The following ACOX1 variants were observed in gnomAD, a reference collection of about 807,000 sequenced individuals.
ACOX1 encodes the protein acyl-CoA oxidase 1, also known as peroxisomal acyl-coenzyme A oxidase 1.
ACOX1 carries 41 observed loss-of-function variants against 75.5 expected under a neutral mutation model. The observed-to-expected ratio is 0.54, with a 90% CI of 0.42 to 0.70. The LOEUF (loss-of-function observed/expected upper bound fraction) is 0.70, where lower values mean the gene tolerates loss of function less well. ACOX1 is among the 30% of genes least tolerant of loss of function. The probability of loss-of-function intolerance (pLI) is 0.00; values close to 1 mark genes in which losing one functional copy is unlikely to be tolerated. For synonymous variants in ACOX1, 303 were observed against 298.8 expected (o/e 1.01, Z -0.15); for missense variants, 630 against 837.5 (o/e 0.75, Z 3.06).
Position 75,955,925 on chromosome 17 carries a change from T to G in ACOX1, c.561A>C (p.Ala187=). The G allele has an allele frequency of 6.2e-7, 1 of 1,614,152 alleles. No homozygotes were observed. The highest frequency in any genetic ancestry group is 8.5e-7 in the Non-Finnish European group (1 of 1,180,006). ...TAGTGATGAGCTGGGCAAGAACTAT[T>G]GCATGATTTGAAGTCTTTCCAACTG... ...PGGLGKTSNH[A]IVLAQLITKG... Residue 187 remains alanine, a synonymous_variant, in exon 5 of 14, where the codon GCA becomes GCC. Coordinates refer to ENST00000293217, the MANE Select transcript of ACOX1 (RefSeq NM_004035.7).
chr17:75,947,543 A>C (rs2065732963), intron 13 of ACOX1, among the ~76,000 whole-genome samples: 1 of 152,004 alleles, frequency 6.6e-6, no homozygotes, highest in Non-Finnish European at 1.5e-5. Context: ...GATGTCTTAG[A>C]TTTATTTCAA....
chr17:75,976,407 AAC>A (rs375063182), intron 2 of ACOX1, among the ~76,000 whole-genome samples: 3 of 151,426 alleles, frequency 2.0e-5, no homozygotes, highest in Admixed American at 6.6e-5. Context: ...CACCCATTCA[AAC>A]ACACACACAC....
At chr17:75,976,325 C>T (rs141387745) in intron 2 of ACOX1, among the ~76,000 whole-genome samples, 62 of 152,242 alleles carry the variant, frequency 4.1e-4, no homozygotes, top group African/African-American at 1.4e-3. Context: ...TGACCTCACT[C>T]GAGTCTGGTT....
At chr17:75,952,542 C>A (rs2065784429) in intron 7 of ACOX1, among the ~76,000 whole-genome samples, 1 of 152,098 alleles carries the variant, frequency 6.6e-6, no homozygotes, top group Non-Finnish European at 1.5e-5. Context: ...GATCCACCCG[C>A]TTTGGCCTCC....
chr17:75,948,291 A>G lies in ACOX1; in HGVS notation c.1895T>C (p.Leu632Ser). The G allele has an allele frequency of 6.2e-7, 1 of 1,614,104 alleles. No homozygotes were observed. ...TGGGGAGTTCTTAGCCCACTCAAAC[A>G]AGTTTTCATACACATTCCCATCATA... ...GRYDGNVYENLFEWAKNSPLN... is the reference protein window; with the variant it reads ...GRYDGNVYENSFEWAKNSPLN... The change falls in exon 13 of 14, where the codon TTG (leucine) becomes TCG (serine). Residue 632 changes from leucine to serine, a missense_variant. This residue lies in a region of ACOX1 where 240 missense variants were observed against 262.7 expected (regional missense o/e 0.91). Coordinates refer to ENST00000293217, the MANE Select transcript of ACOX1 (RefSeq NM_004035.7).
At chr17:75,974,870 C>T (rs2066030578) in intron 2 of ACOX1, among the ~76,000 whole-genome samples, 1 of 151,506 alleles carries the variant, frequency 6.6e-6, no homozygotes, top group Non-Finnish European at 1.5e-5. Flanking sequence ...CATGGTGAAA[C>T]CCCGTCTCTA....
Position 75,970,949 on chromosome 17 carries a change from G to A in ACOX1, c.269+7585C>T, listed in dbSNP as rs115487183. 2.3e-3 allele frequency among the ~76,000 whole-genome samples: 347 copies of A among 152,322 alleles called. 2 individuals are homozygous for A. Among genetic ancestry groups the A allele is most frequent in the African/African-American group, 8.2e-3 (342 of 41,568 alleles). ...GAAAAAAGACTAATCTTAGGACACT[G>A]TTCTCTAAACCACAGAGATTAAGAC... is the stretch of plus-strand genomic sequence containing the variant. On this transcript the variant is annotated intron_variant, in intron 2 of 13. Transcript: ENST00000293217.
Position 75,955,883 on chromosome 17 carries a change from T to C in ACOX1, c.603A>G (p.Gly201=). The part of the protein sequence containing the change: ...AQLITKGKCY[G]LHAFIVPIRE... ...GAATAGGTACGATAAAGGCATGTAA[T>C]CCATAGCATTTCCCCTTAGTGATGA... The change falls in exon 5 of 14, where the codon GGA becomes GGG. Residue 201 remains glycine (G), a synonymous_variant. Coordinates refer to ENST00000293217, the MANE Select transcript of ACOX1 (RefSeq NM_004035.7). The C allele has an allele frequency of 1.2e-6, 2 of 1,614,170 alleles. No homozygotes were observed. The highest frequency in any genetic ancestry group is 1.1e-5 in the South Asian group (1 of 91,084).
In ACOX1 at chr17:75,949,305, T is replaced by C; in HGVS notation, c.1640A>G (p.Gln547Arg). 12 of 1,614,180 alleles carry C rather than the reference T, an allele frequency of 7.4e-6. No individual in the cohort carries two copies. Among genetic ancestry groups the C allele is most frequent in the Non-Finnish European group, 9.3e-6 (11 of 1,180,012 alleles). ...TAAGACAGCTTGAATGGCTTTATCT[T>C]GAATTTTGAGGAGTTTTTCTGAAAA... ...KLFSEKLLKIQDKAIQAVLRS... is the reference protein window; with the variant it reads ...KLFSEKLLKIRDKAIQAVLRS... The change falls in exon 12 of 14, where the codon CAA becomes CGA. Residue 547 changes from glutamine to arginine, a missense_variant. Physicochemically the swap from Gln to Arg is conservative, Grantham distance 43 (BLOSUM62 1). This residue lies in a region of ACOX1 where 240 missense variants were observed against 262.7 expected (regional missense o/e 0.91). Coordinates refer to ENST00000293217, the MANE Select transcript of ACOX1 (RefSeq NM_004035.7).
rs1776454781 is a variant in ACOX1, at chr17:75,950,022, C to T, written c.1299-125G>A. The T allele has an allele frequency of 9.8e-7, 1 of 1,020,700 alleles. No homozygotes were observed. 63.2% of individuals were successfully genotyped at this position (1,020,700 alleles called of 1,614,324 possible). ...TGGCCAGATCTCAGCTCACTGCAACCTCCTCCTCTTGGGTTCAAATGAATG... is the reference window on the plus strand; with the variant it reads ...TGGCCAGATCTCAGCTCACTGCAACTTCCTCCTCTTGGGTTCAAATGAATG... On this transcript the variant is annotated intron_variant, in intron 9 of 13. Transcript: ENST00000293217. The surrounding 1 kb of genome is among the most constrained non-coding windows in gnomAD (Gnocchi z 4.3).
Position 75,949,588 on chromosome 17 carries a change from A to G in ACOX1, c.1491T>C (p.Ile497=). Residue 497 remains isoleucine, a synonymous_variant, in exon 11 of 14, where the codon ATT becomes ATC. Transcript: ENST00000293217. The part of the protein sequence containing the change: ...YKLRAARLVE[I]AAKNLQKEVI... Reference sequence around the variant, plus strand: ...CTTCTTTTTGAAGGTTTTTTGCAGCAATTTCTACTAATCTGTTAAGACATA... The same window carrying G: ...CTTCTTTTTGAAGGTTTTTTGCAGCGATTTCTACTAATCTGTTAAGACATA... The G allele has an allele frequency of 6.2e-7, 1 of 1,614,142 alleles. No homozygotes were observed. The highest frequency in any genetic ancestry group is 1.1e-5 in the South Asian group (1 of 91,082).
chr17:75,957,008 T>TATATACACAC (rs1555617568), intron 4 of ACOX1, among the ~76,000 whole-genome samples: 4 of 110,202 alleles, frequency 3.6e-5, no homozygotes, highest in East Asian at 2.6e-4. Context: ...TATATATATA[T>TATATACACAC]ACACACACAC....
intron 4 of ACOX1, among the ~76,000 whole-genome samples, chr17:75,956,362 A>G (rs1350654250): frequency 6.6e-6 from 1 of 152,176 alleles, no homozygotes; most frequent in Non-Finnish European, 1.5e-5. Context: ...TATATATTCC[A>G]AGATAATAAC....
At chr17:75,972,767 T>C (rs964059445) in intron 2 of ACOX1, among the ~76,000 whole-genome samples, 13 of 151,862 alleles carry the variant, frequency 8.6e-5, no homozygotes, top group Non-Finnish European at 1.5e-4. Context: ...GTCTGGAACA[T>C]CAAACCATGA....
At chr17:75,971,311 C>T (rs1316833859) in intron 2 of ACOX1, among the ~76,000 whole-genome samples, 1 of 150,710 alleles carries the variant, frequency 6.6e-6, no homozygotes, top group Non-Finnish European at 1.5e-5. Flanking sequence ...AAAAAAAATA[C>T]CCAAAACTAA....
chr17:75,975,902 A>G (rs534882135), intron 2 of ACOX1, among the ~76,000 whole-genome samples: 1 of 152,096 alleles, frequency 6.6e-6, no homozygotes, highest in Non-Finnish European at 1.5e-5. Context: ...AAAAAGAAAG[A>G]GGAAGAGAAA....
At chr17:75,962,632 C>T (rs2065897148) in intron 2 of ACOX1, among the ~76,000 whole-genome samples, 1 of 152,102 alleles carries the variant, frequency 6.6e-6, no homozygotes, top group Non-Finnish European at 1.5e-5. Flanking sequence ...AATCTAGTGG[C>T]TAGGCTTTCA....
At chr17:75,966,530 A>G (rs1040725098) in intron 2 of ACOX1, among the ~76,000 whole-genome samples, 4 of 145,034 alleles carry the variant, frequency 2.8e-5, no homozygotes, top group African/African-American at 1.0e-4. Context: ...TTGGCTGGGC[A>G]CGGTGGCTCA....
In ACOX1 at chr17:75,953,471, G is replaced by A. The variant is rs767481940; in HGVS notation, c.924C>T (p.His308=). 6 of 1,613,850 alleles carry A rather than the reference G, an allele frequency of 3.7e-6. No individual in the cohort carries two copies. Among genetic ancestry groups the A allele is most frequent in the Non-Finnish European group, 5.1e-6 (6 of 1,179,918 alleles). The change falls in exon 7 of 14, where the codon CAC becomes CAT. Residue 308 remains histidine (H), a synonymous_variant. Transcript: ENST00000293217. ...TIAIRYSAVR[H]QSEIKPGEPE... is the part of the protein sequence containing the mutation. The stretch of plus-strand genomic sequence containing the variant: ...CTTACCCTGGCTTGATTTCAGACTG[G>A]TGCCTCACAGCGCTGTATCGGATGG...
Sources: gnomAD v4.1 joint callset for allele counts (sites outside exome capture counted in the v4.1 genomes callset) on GRCh38, gnomAD v4.1.1 for gene constraint, gnomAD v4.1.1 regional missense constraint, Gnocchi (gnomAD v3.1) non-coding constraint, MANE v1.5 for transcripts, NCBI Gene and HGNC (gene_info 2026-07-23, HGNC 2026-07-21) for gene names.